The following PLCL1 variants were observed in gnomAD, a reference collection of about 807,000 sequenced individuals.
PLCL1 encodes phospholipase C like 1 (inactive), also known as inactive phospholipase C-like protein 1.
Under a neutral mutation model 84.4 loss-of-function variants are expected in PLCL1, and 41 were observed. The ratio of observed to expected loss-of-function variants is 0.49; its 90% CI spans 0.38 to 0.63. The LOEUF (loss-of-function observed/expected upper bound fraction) is 0.63. Among genes scored for constraint, PLCL1 ranks in the 30% least tolerant of loss-of-function variants. The probability of loss-of-function intolerance (pLI) is 0.00; values close to 1 mark genes in which losing one functional copy is unlikely to be tolerated. For synonymous variants in PLCL1, 490 were observed against 488.3 expected (o/e 1.00, Z -0.05); for missense variants, 1,206 against 1,367.8 (o/e 0.88, Z 1.87).
intron 1 of PLCL1, among the ~76,000 whole-genome samples, chr2:197,972,596 CA>C (rs1473480175): frequency 6.6e-6 from 1 of 152,032 alleles, no homozygotes; most frequent in African/African-American, 2.4e-5. Flanking sequence ...GTCATATATC[CA>C]AAAATATTCT....
In PLCL1 at chr2:197,989,738, A is replaced by T. The variant is rs569683903; in HGVS notation, c.241-94020A>T. ...CAAAACAAAACAAAAAACAAAAAAA[A>T]AAGTGTTTTGGGATGGATTACTTTC... On this transcript the variant is annotated intron_variant, in intron 1 of 5. Coordinates refer to ENST00000428675, the MANE Select transcript of PLCL1 (RefSeq NM_006226.4). Among the ~76,000 whole-genome samples, 1,406 of 152,284 alleles carry T rather than the reference A, an allele frequency of 9.2e-3. 21 individuals are homozygous for T. The highest frequency in any genetic ancestry group is 0.032 in the African/African-American group (1,338 of 41,552).
intron 1 of PLCL1, among the ~76,000 whole-genome samples, chr2:197,858,319 C>T (rs1574915837): frequency 6.6e-6 from 1 of 152,166 alleles, no homozygotes; most frequent in East Asian, 1.9e-4. Context: ...TAATGCTAAC[C>T]GTTGAAGTAT....
chr2:197,943,627 C>CTTTTTTTTTTTTTTTTTTTTTTTATTT (rs5837573), intron 1 of PLCL1, among the ~76,000 whole-genome samples: 1 of 119,208 alleles, frequency 8.4e-6, no homozygotes, highest in Non-Finnish European at 1.7e-5. Flanking sequence ...TTGGTTACAT[C>CTTTTTTTTTTTTTTTTTTTTTTTATTT]TTTTTTTTTT....
intron 1 of PLCL1, among the ~76,000 whole-genome samples, chr2:198,036,078 C>A (rs566497577): frequency 1.3e-5 from 2 of 152,288 alleles, no homozygotes; most frequent in African/African-American, 4.8e-5. Flanking sequence ...TGAAAATCAT[C>A]ATTTGTTAAC....
chr2:198,053,626 A>G (rs974546460), intron 1 of PLCL1, among the ~76,000 whole-genome samples: 3 of 152,110 alleles, frequency 2.0e-5, no homozygotes, highest in Non-Finnish European at 4.4e-5. Flanking sequence ...AGTGGTTCCT[A>G]TTTCCCTCAT....
chr2:197,899,492 A>T (rs1008807942), intron 1 of PLCL1, among the ~76,000 whole-genome samples: 4 of 152,204 alleles, frequency 2.6e-5, no homozygotes, highest in African/African-American at 9.7e-5. Flanking sequence ...TTTAAATAAT[A>T]GTAGAAGGTT....
intron 1 of PLCL1, among the ~76,000 whole-genome samples, chr2:198,043,572 C>T (rs989528794): frequency 3.9e-5 from 6 of 152,252 alleles, no homozygotes; most frequent in Middle Eastern, 3.4e-3. Flanking sequence ...AGGACCATAG[C>T]GGAGAACCAG....
In PLCL1 at chr2:197,805,170, G is replaced by C. The variant is rs1005028494; in HGVS notation, c.71G>C (p.Arg24Pro). Residue 24 changes from arginine to proline, a missense_variant, in exon 1 of 6, where the codon CGA becomes CCA. Arg to Pro is a moderately radical substitution (Grantham distance 103). Coordinates refer to ENST00000428675, the MANE Select transcript of PLCL1 (RefSeq NM_006226.4). This position sits in a 1 kb window ranked among gnomAD's most constrained non-coding sequence, Gnocchi z 4.0. ...GCGGCGGGGGGCGAAGACGACCCCC[G>C]AGTGGGCCCGGATGCCGCCGGGGAC... ...PDAAGGEDDP[R>P]VGPDAAGDCV... 13 of 1,295,380 alleles carry C rather than the reference G, an allele frequency of 1.0e-5. No homozygotes were observed. Among genetic ancestry groups the C allele is most frequent in the Non-Finnish European group, 1.1e-5 (11 of 1,025,914 alleles). 80.2% of individuals were successfully genotyped at this position (1,295,380 alleles called of 1,614,324 possible).
At chr2:198,098,060 G>C (rs3771361) in intron 3 of PLCL1, among the ~76,000 whole-genome samples, 1 of 151,964 alleles carries the variant, frequency 6.6e-6, no homozygotes, top group African/African-American at 2.4e-5. Flanking sequence ...AGTTTAATAA[G>C]AGTCATCTTG....
intron 1 of PLCL1, among the ~76,000 whole-genome samples, chr2:197,921,489 C>T (rs948870314): frequency 2.6e-5 from 4 of 151,888 alleles, no homozygotes; most frequent in South Asian, 2.1e-4. Flanking sequence ...TTAATTCAGG[C>T]GGATATAAGC....
chr2:197,982,244 G>A (rs1215458621), intron 1 of PLCL1, among the ~76,000 whole-genome samples: 1 of 150,990 alleles, frequency 6.6e-6, no homozygotes, highest in Non-Finnish European at 1.5e-5. Flanking sequence ...TCTAAAATTG[G>A]AACAAAATAA....
chr2:197,922,897 C>T (rs1688738679), intron 1 of PLCL1, among the ~76,000 whole-genome samples: 4 of 133,374 alleles, frequency 3.0e-5, no homozygotes, highest in South Asian at 5.0e-4. Context: ...GCTGGCCGGG[C>T]GGGGGGCTGA....
intron 1 of PLCL1, among the ~76,000 whole-genome samples, chr2:197,944,909 T>A (rs1689241544): frequency 6.6e-6 from 1 of 152,158 alleles, no homozygotes; most frequent in Admixed American, 6.6e-5. Context: ...GAAACTGGAG[T>A]TTGTGTTTTT....
intron 1 of PLCL1, among the ~76,000 whole-genome samples, chr2:197,931,324 A>C (rs1006304138): frequency 9.2e-5 from 14 of 152,178 alleles, no homozygotes; most frequent in African/African-American, 3.4e-4. Context: ...GCTATCATTT[A>C]TAGTGCTCTG....
intron 3 of PLCL1, among the ~76,000 whole-genome samples, chr2:198,101,020 A>C (rs1187532033): frequency 2.0e-5 from 3 of 152,048 alleles, no homozygotes; most frequent in African/African-American, 7.2e-5. Context: ...ATGTATATAC[A>C]TTTATTTGAC....
At chr2:197,860,230 G>A (rs1423271409) in intron 1 of PLCL1, among the ~76,000 whole-genome samples, 1 of 152,108 alleles carries the variant, frequency 6.6e-6, no homozygotes, top group Non-Finnish European at 1.5e-5. Flanking sequence ...TGGCTGCATA[G>A]TATTTCTTGG....
chr2:198,036,052 A>G (rs1691545588), intron 1 of PLCL1, among the ~76,000 whole-genome samples: 1 of 152,200 alleles, frequency 6.6e-6, no homozygotes, highest in African/African-American at 2.4e-5. Flanking sequence ...TAAAAAATGT[A>G]TGTAGTATGA....
intron 1 of PLCL1, among the ~76,000 whole-genome samples, chr2:197,852,535 T>A (rs962586867): frequency 6.6e-6 from 1 of 152,250 alleles, no homozygotes; most frequent in African/African-American, 2.4e-5. Context: ...TAACTATCTT[T>A]TACTATTGCT....
chr2:198,008,141 T>A (rs1479905143), intron 1 of PLCL1, among the ~76,000 whole-genome samples: 1 of 152,102 alleles, frequency 6.6e-6, no homozygotes, highest in African/African-American at 2.4e-5. Context: ...ACTCTTCCAA[T>A]TTTTTTCATA....
Sources: allele counts gnomAD v4.1 joint callset (sites outside exome capture counted in the v4.1 genomes callset), GRCh38; gene constraint gnomAD v4.1.1; non-coding constraint Gnocchi (gnomAD v3.1); transcripts MANE v1.5; gene names NCBI Gene and HGNC (gene_info 2026-07-23, HGNC 2026-07-21).